Variants in PTPRQ observed in about 807,000 individuals in gnomAD.
PTPRQ encodes phosphatidylinositol phosphatase PTPRQ.
A neutral mutation model predicts 246.0 loss-of-function variants in PTPRQ; 199 were observed. That is an observed-to-expected ratio of 0.81 (90% confidence interval 0.72 to 0.91). The LOEUF (loss-of-function observed/expected upper bound fraction) is 0.91, where lower values mean the gene tolerates loss of function less well. PTPRQ is among the 40% of genes least tolerant of loss of function. The pLI, the probability that PTPRQ is intolerant of heterozygous loss-of-function variation, is 0.00. For synonymous variants in PTPRQ, 869 were observed against 853.2 expected (o/e 1.02, Z -0.32); for missense variants, 2,624 against 2,528.4 (o/e 1.04, Z -0.81).
chr12:80,540,055 TC>T (rs1896107230), intron 20 of PTPRQ, 111 bp downstream of exon 20: 1 of 928,584 alleles, frequency 1.1e-6, no homozygotes. Flanking sequence ...TTAGACACGT[TC>T]ATTATAGGAG....
In PTPRQ at chr12:80,648,923, A is replaced by G. The variant is rs908677270; in HGVS notation, c.5942A>G (p.Lys1981Arg). Residue 1981 changes from lysine to arginine, a missense_variant and splice_region_variant, in exon 36 of 45, where the codon AAG becomes AGG. By Grantham distance (26) the Lys-to-Arg change is conservative (BLOSUM62 2). Transcript: ENST00000644991. ...TTACTTAGTTATAGAAAATCCATCA[A>G]GTAAGTTTGTTAAATATTTTCTTTC... ...TRLLSYRKSI[K>R]PISKKSFLQH... The G allele has an allele frequency of 4.6e-6, 7 of 1,513,916 alleles. No homozygotes were observed. Among genetic ancestry groups the G allele is most frequent in the East Asian group, 2.6e-5 (1 of 38,222 alleles). 93.8% of individuals were successfully genotyped at this position (1,513,916 alleles called of 1,614,324 possible). A position where few individuals can be genotyped will look rare whatever the true frequency, so the allele number is the denominator to read the frequency against.
At chr12:80,562,051 G>C (rs531138601) in intron 25 of PTPRQ, among the ~76,000 whole-genome samples, 2 of 151,880 alleles carry the variant, frequency 1.3e-5, no homozygotes, top group East Asian at 3.9e-4. Flanking sequence ...TTTCATCTTT[G>C]CTTGTTAATA....
Position 80,610,693 on chromosome 12 carries a change from T to C in PTPRQ, c.4918+68T>C, listed in dbSNP as rs1433906141. On this transcript the variant is annotated intron_variant, in intron 28 of 44. Transcript: ENST00000644991. ...TAGCTGGCTTTCTTACAGTTCATCA[T>C]ACTCCACCAAAAAAGGATATGTGTT... The C allele has an allele frequency of 9.3e-6, 14 of 1,499,566 alleles. No individual in the cohort carries two copies. The Admixed American group carries it at 3.1e-4, about 33-fold the overall frequency. The allele number at this position is 1,499,566 out of a possible 1,614,324, so 92.9% of individuals were successfully genotyped here.
chr12:80,619,646 C>A, intron 31 of PTPRQ, 104 bp downstream of exon 31: 2 of 897,324 alleles, frequency 2.2e-6, no homozygotes, highest in African/African-American at 1.7e-5. Context: ...TTATCACACA[C>A]CTCTTGAGAT....
At chr12:80,610,025 A>G (rs1423142836) in intron 27 of PTPRQ, among the ~76,000 whole-genome samples, 1 of 150,498 alleles carries the variant, frequency 6.6e-6, no homozygotes, top group African/African-American at 2.4e-5. Context: ...ATGCATTGAA[A>G]GACTAGACTG....
chr12:80,457,778 G>A (rs1165052875), intron 4 of PTPRQ, 134 bp downstream of exon 4: 1 of 393,096 alleles, frequency 2.5e-6, no homozygotes, highest in Non-Finnish European at 4.5e-6. Flanking sequence ...TAGTTTTAGA[G>A]TTCTTTCGGA....
rs977668704 is a variant in PTPRQ, at chr12:80,541,799, C to A, written c.3399C>A (p.Phe1133Leu). 22 of 1,550,440 alleles carry A rather than the reference C, an allele frequency of 1.4e-5. No homozygotes were observed. Among genetic ancestry groups the A allele is most frequent in the Non-Finnish European group, 1.8e-5 (21 of 1,146,354 alleles). The part of the protein sequence containing the change: ...LKITPSTEKG[F>L]SDTYTAQLYI... ...TTACTCCATCAACAGAAAAGGGATT[C>A]TCTGATACCTATACTGCCCAGCTAT... is the stretch of plus-strand genomic sequence containing the variant. Residue 1133 changes from phenylalanine (F) to leucine (L), a missense_variant, in exon 21 of 45, where the codon TTC becomes TTA. Phe to Leu is a conservative substitution (Grantham distance 22). Coordinates refer to ENST00000644991, the MANE Select transcript of PTPRQ (RefSeq NM_001145026.2).
Position 80,588,203 on chromosome 12 carries a change from G to A in PTPRQ, c.4360G>A (p.Asp1454Asn), listed in dbSNP as rs1156243376. The change falls in exon 26 of 45, where the codon GAC becomes AAC. Residue 1454 changes from aspartate (D) to asparagine (N), a missense_variant. Coordinates refer to ENST00000644991, the MANE Select transcript of PTPRQ (RefSeq NM_001145026.2). ...TSATLTWIRP[D>N]TILGYFQNYK... ...TGCAACATTGACATGGATAAGACCT[G>A]ACACTATCCTTGGCTACTTTCAAAA... The A allele has an allele frequency of 6.4e-7, 1 of 1,551,534 alleles. No homozygotes were observed. The highest frequency in any genetic ancestry group is 2.0e-5 in the Admixed American group (1 of 51,006).
rs560535071 is a variant in PTPRQ at position 80,590,253 on chromosome 12, A to C, written c.4609+1801A>C. Among the ~76,000 whole-genome samples the C allele has an allele frequency of 1.3e-5, 2 of 152,282 alleles. 1 individual carries two copies. Among genetic ancestry groups the C allele is most frequent in the African/African-American group, 4.8e-5 (2 of 41,566 alleles). On this transcript the variant is annotated intron_variant, in intron 26 of 44. Transcript: ENST00000644991. ...CATCTAAACAAATTCCTCCATTTGC[A>C]TTACTATTACATTAGTACAACTCTT...
At chr12:80,636,302 CA>C (rs1899646610) in intron 35 of PTPRQ, among the ~76,000 whole-genome samples, 1 of 152,046 alleles carries the variant, frequency 6.6e-6, no homozygotes, top group Non-Finnish European at 1.5e-5. Context: ...ATATTATGTA[CA>C]AAATATCAAA....
intron 17 of PTPRQ, among the ~76,000 whole-genome samples, chr12:80,516,181 A>G (rs1895294085): frequency 6.6e-6 from 1 of 152,138 alleles, no homozygotes. Flanking sequence ...TTCCAGTAGA[A>G]CTTATTTATT....
intron 6 of PTPRQ, among the ~76,000 whole-genome samples, chr12:80,463,955 T>A (rs1486026141): frequency 1.3e-5 from 2 of 150,900 alleles, no homozygotes; most frequent in African/African-American, 4.9e-5. Flanking sequence ...AGAAACTGCA[T>A]CAACTAACGA....
intron 25 of PTPRQ, among the ~76,000 whole-genome samples, chr12:80,575,839 C>CAAAAAAAAAAAAAAAAAAA (rs201432092): frequency 2.1e-5 from 1 of 47,096 alleles, no homozygotes; most frequent in Non-Finnish European, 4.8e-5. Context: ...AACCCCATCT[C>CAAAAAAAAAAAAAAAAAAA]AAAAAAAAAA....
intron 43 of PTPRQ, 109 bp downstream of exon 43, chr12:80,673,413 T>C: frequency 7.0e-7 from 1 of 1,437,906 alleles, no homozygotes; most frequent in Non-Finnish European, 9.2e-7. Context: ...GGACACCTTC[T>C]TTTCCTACAT....
intron 23 of PTPRQ, among the ~76,000 whole-genome samples, chr12:80,545,867 G>T (rs1896289294): frequency 6.6e-6 from 1 of 150,788 alleles, no homozygotes; most frequent in Admixed American, 6.6e-5. Flanking sequence ...AATGCTGTGG[G>T]TATTAAAAAT....
intron 14 of PTPRQ, among the ~76,000 whole-genome samples, chr12:80,505,571 A>G (rs910146209): frequency 6.6e-6 from 1 of 151,890 alleles, no homozygotes; most frequent in African/African-American, 2.4e-5. Flanking sequence ...TTTTGCTGCC[A>G]GGTCATAATA....
chr12:80,661,251 A>C (rs2121259268), intron 39 of PTPRQ, among the ~76,000 whole-genome samples: 1 of 149,702 alleles, frequency 6.7e-6, no homozygotes, highest in South Asian at 2.1e-4. Context: ...GTGTATACAT[A>C]AATATATTTG....
At chr12:80,576,210 C>T (rs12821233) in intron 25 of PTPRQ, among the ~76,000 whole-genome samples, 48 of 152,146 alleles carry the variant, frequency 3.2e-4, no homozygotes, top group African/African-American at 1.1e-3. Context: ...GGCACAATCT[C>T]GGCTCACTGC....
intron 33 of PTPRQ, among the ~76,000 whole-genome samples, chr12:80,627,503 G>A (rs546809031): frequency 7.8e-4 from 119 of 151,832 alleles, no homozygotes; most frequent in Non-Finnish European, 1.5e-3. Context: ...ATTGTACTAT[G>A]AGCTTTATAT....
Sources: allele counts gnomAD v4.1 joint callset (sites outside exome capture counted in the v4.1 genomes callset), GRCh38; gene constraint gnomAD v4.1.1; transcripts MANE v1.5; gene names NCBI Gene and HGNC (gene_info 2026-07-23, HGNC 2026-07-21).